SPATA22: variants seen among roughly 807,000 people sequenced by gnomAD.
SPATA22 encodes spermatogenesis-associated protein 22.
Under a neutral mutation model 47.8 loss-of-function variants are expected in SPATA22, and 29 were observed. The ratio of observed to expected loss-of-function variants is 0.61; its 90% CI spans 0.45 to 0.83. The LOEUF (loss-of-function observed/expected upper bound fraction) is 0.83, where lower values mean the gene tolerates loss of function less well. SPATA22 is among the 40% of genes least tolerant of loss of function. SPATA22 has a pLI of 0.00. For synonymous variants in SPATA22, 133 were observed against 140.9 expected, an observed-to-expected ratio of 0.94 and a Z score of 0.40; for missense variants, 410 against 421.7, an observed-to-expected ratio of 0.97 and a Z score of 0.24.
At chr17:3,510,668 C>G (rs1162403312) in intron 1 of SPATA22, 3 of 152,224 alleles carry the variant, frequency 2.0e-5, no homozygotes, top group African/African-American at 7.2e-5. Context: ...CCGGCACATT[C>G]AAGGGAGAAT....
intron 1 of SPATA22, among the ~76,000 whole-genome samples, chr17:3,496,796 G>A (rs568852009): frequency 2.6e-4 from 39 of 152,332 alleles, no homozygotes; most frequent in African/African-American, 7.5e-4. Flanking sequence ...GCCAGGAGCG[G>A]TGGCTCACGC....
intron 1 of SPATA22, among the ~76,000 whole-genome samples, chr17:3,492,561 G>A (rs910774407): frequency 2.0e-5 from 3 of 152,120 alleles, no homozygotes; most frequent in East Asian, 1.9e-4. Context: ...TAGCTGGCTT[G>A]CCCATGTGAA....
chr17:3,487,190 C>T (rs2073739621), intron 1 of SPATA22, among the ~76,000 whole-genome samples: 1 of 152,006 alleles, frequency 6.6e-6, no homozygotes, highest in Non-Finnish European at 1.5e-5. Flanking sequence ...CAAAGGTGGT[C>T]CTTGTAGGTG....
Position 3,451,872 on chromosome 17 carries a change from G to A in SPATA22, c.330-2723C>T, listed in dbSNP as rs149853381. Among the ~76,000 whole-genome samples the A allele has an allele frequency of 9.2e-3, 1,393 of 151,626 alleles. 23 individuals are homozygous for A. The highest frequency in any genetic ancestry group is 0.031 in the African/African-American group (1,277 of 41,310). On this transcript the variant is annotated intron_variant, in intron 5 of 8. Coordinates refer to ENST00000572969, the MANE Select transcript of SPATA22 (RefSeq NM_001170698.2). ...TGAGGCAGAAGAATCACTTGAACCT[G>A]GGAGGCGGAGATTGCAGTGAGCCGA...
chr17:3,451,212 A>C (rs2072851873), intron 5 of SPATA22, among the ~76,000 whole-genome samples: 1 of 152,226 alleles, frequency 6.6e-6, no homozygotes, highest in Non-Finnish European at 1.5e-5. Context: ...TCTAAAGACA[A>C]AGAAAGTCAT....
intron 1 of SPATA22, chr17:3,499,915 T>G (rs1053333371): frequency 1.3e-5 from 2 of 152,242 alleles, no homozygotes; most frequent in African/African-American, 4.8e-5. Context: ...CCTCTTGCAC[T>G]GGTTAGCCAA....
In SPATA22 at chr17:3,440,067, G is replaced by T; in HGVS notation, c.*80C>A. 1 of 831,840 alleles carries T rather than the reference G, an allele frequency of 1.2e-6. No individual in the cohort carries two copies. Among genetic ancestry groups the T allele is most frequent in the Non-Finnish European group, 1.8e-6 (1 of 567,194 alleles). The allele number at this position is 831,840 out of a possible 1,614,324, so 51.5% of individuals were successfully genotyped here. A position where few individuals can be genotyped will look rare whatever the true frequency, so the allele number is the denominator to read the frequency against. On this transcript the variant is annotated 3_prime_UTR_variant, in exon 9 of 9. Coordinates refer to ENST00000572969, the MANE Select transcript of SPATA22 (RefSeq NM_001170698.2). ...ATTCAACAAGTGAAATACAATAGTA[G>T]CTATAAAACTATGGAGATGGTAAAT...
At chr17:3,458,304 A>T (rs1030135758) in intron 5 of SPATA22, among the ~76,000 whole-genome samples, 2 of 152,218 alleles carry the variant, frequency 1.3e-5, no homozygotes, top group African/African-American at 4.8e-5. Context: ...GATAGCTGTC[A>T]TCAAAAATTC....
chr17:3,500,165 T>C (rs1267787084), intron 1 of SPATA22: 4 of 152,154 alleles, frequency 2.6e-5, no homozygotes, highest in South Asian at 2.1e-4. Context: ...CTGGGAGAGG[T>C]TGGTTCACAA....
intron 3 of SPATA22, among the ~76,000 whole-genome samples, 153 bp downstream of exon 3, chr17:3,467,273 C>G (rs2150732050): frequency 6.6e-6 from 1 of 152,240 alleles, no homozygotes; most frequent in Non-Finnish European, 1.5e-5. Flanking sequence ...AACTCCTGAC[C>G]TGGAATGTTC....
intron 1 of SPATA22, among the ~76,000 whole-genome samples, 179 bp from the exon 2 acceptor site, chr17:3,469,577 T>G (rs553079782): frequency 6.6e-6 from 1 of 152,236 alleles, no homozygotes; most frequent in Non-Finnish European, 1.5e-5. Flanking sequence ...CCTGTTCAAA[T>G]TAAGTTATGA....
intron 1 of SPATA22, among the ~76,000 whole-genome samples, chr17:3,493,337 C>T (rs1436242428): frequency 2.0e-5 from 3 of 151,888 alleles, no homozygotes; most frequent in Admixed American, 6.6e-5. Flanking sequence ...CTGAGGCGGG[C>T]GGATCACAAG....
chr17:3,506,475 GA>G (rs111345135), intron 1 of SPATA22, among the ~76,000 whole-genome samples: 1,998 of 152,112 alleles, frequency 0.013, 43 homozygotes, highest in African/African-American at 0.044. Flanking sequence ...TAATTAAGGG[GA>G]AAAAAATACT....
chr17:3,468,054 T>C (rs2073353484), intron 2 of SPATA22, among the ~76,000 whole-genome samples: 2 of 152,210 alleles, frequency 1.3e-5, no homozygotes, highest in Admixed American at 6.5e-5. Flanking sequence ...TCCACTCTCA[T>C]AGATTTTATT....
At chr17:3,458,663 T>C (rs150335183) in intron 5 of SPATA22, among the ~76,000 whole-genome samples, 3,698 of 151,424 alleles carry the variant, frequency 0.024, 66 homozygotes, top group Non-Finnish European at 0.041. Flanking sequence ...GCCAACATGG[T>C]GAAACCCCAT....
In SPATA22 at chr17:3,446,621, CAT is replaced by C. The variant is rs748332990; in HGVS notation, c.673-22_673-21del. The C allele has an allele frequency of 4.3e-5, 64 of 1,483,612 alleles. No individual in the cohort carries two copies. The highest frequency in any genetic ancestry group is 5.5e-5 in the Non-Finnish European group (61 of 1,100,660). 91.9% of individuals were successfully genotyped at this position (1,483,612 alleles called of 1,614,324 possible). A position where few individuals can be genotyped will look rare whatever the true frequency, so the allele number is the denominator to read the frequency against. ...GGTTTCCTTTTGAAAAAATAAGAAA[CAT>C]AGTATTAGAAAAATATTTGTTTTTT... On this transcript the variant is annotated intron_variant, in intron 6 of 8. Coordinates refer to ENST00000572969, the MANE Select transcript of SPATA22 (RefSeq NM_001170698.2).
chr17:3,476,325 A>C (rs758502972), upstream of SPATA22: 6 of 1,614,212 alleles, frequency 3.7e-6, no homozygotes. Flanking sequence ...TACTAACCCC[A>C]GAGCAGTGAA....
chr17:3,501,933 A>T (rs1474732427), intron 1 of SPATA22: 2 of 147,918 alleles, frequency 1.4e-5, no homozygotes, highest in African/African-American at 5.1e-5. Flanking sequence ...AGCCTGGTGG[A>T]CACAGCAAGC....
At chr17:3,471,827 T>C, upstream of SPATA22, 1 of 985,406 alleles carries the variant, frequency 1.0e-6, no homozygotes, top group Non-Finnish European at 1.2e-6. Context: ...ATCAGGCTGT[T>C]CGCAGGCGCC....
Sources: allele counts gnomAD v4.1 joint callset (sites outside exome capture counted in the v4.1 genomes callset), GRCh38; gene constraint gnomAD v4.1.1; transcripts MANE v1.5; gene names NCBI Gene and HGNC (gene_info 2026-07-23, HGNC 2026-07-21).